The following IL6R variants were observed in gnomAD, a reference collection of about 807,000 sequenced individuals.
IL6R encodes interleukin 6 receptor.
A neutral mutation model predicts 48.3 loss-of-function variants in IL6R; 38 were observed. The ratio of observed to expected loss-of-function variants is 0.79; its 90% CI spans 0.61 to 1.03. The LOEUF (loss-of-function observed/expected upper bound fraction) is 1.03. IL6R is among the 50% of genes least tolerant of loss of function. The pLI, the probability that IL6R is intolerant of heterozygous loss-of-function variation, is 0.00. For synonymous variants in IL6R, 264 were observed against 256.2 expected (o/e 1.03, Z -0.29); for missense variants, 534 against 618.3 (o/e 0.86, Z 1.45).
At position 154,434,642 on chromosome 1, in the gene IL6R, C is replaced by G. The variant is rs750407547; in HGVS notation, c.582C>G (p.Val194=). Residue 194 remains valine, a synonymous_variant, in exon 4 of 10, where the codon GTC becomes GTG. Coordinates refer to ENST00000368485, the MANE Select transcript of IL6R (RefSeq NM_000565.4). ...CTTTCTACATAGTGTCCATGTGCGT[C>G]GCCAGTAGTGTCGGGAGCAAGTTCA... is the stretch of plus-strand genomic sequence containing the variant. ...DSSFYIVSMC[V]ASSVGSKFSK... The G allele has an allele frequency of 3.1e-6, 5 of 1,614,178 alleles. No homozygotes were observed. In the African/African-American group the frequency reaches 5.3e-5, roughly 17 times the overall value.
intron 9 of IL6R, among the ~76,000 whole-genome samples, chr1:154,458,639 G>A (rs977080898): frequency 3.3e-5 from 5 of 152,146 alleles, no homozygotes; most frequent in African/African-American, 4.8e-5. Flanking sequence ...GGTGGCTCAC[G>A]CCTGTGATCC....
chr1:154,430,616 T>A lies in IL6R; in HGVS notation c.458+10T>A. The A allele has an allele frequency of 1.2e-6, 2 of 1,614,124 alleles. No homozygotes were observed. Among genetic ancestry groups the A allele is most frequent in the African/African-American group, 1.3e-5 (1 of 75,042 alleles). On this transcript the variant is annotated intron_variant, in intron 3 of 9. Transcript: ENST00000368485. ...TCTTGGTGAGGAAGTTGTAAGTATCTTGGGCTGAGCTATGTGCATGTTGGC... is the reference window on the plus strand; with the variant it reads ...TCTTGGTGAGGAAGTTGTAAGTATCATGGGCTGAGCTATGTGCATGTTGGC...
intron 6 of IL6R, among the ~76,000 whole-genome samples, chr1:154,439,399 C>T (rs1297063402): frequency 6.6e-6 from 1 of 152,188 alleles, no homozygotes; most frequent in Non-Finnish European, 1.5e-5. Context: ...AATGCAACCT[C>T]TGCCTCCCGG....
rs1284004006 is a variant in IL6R at position 154,414,570 on chromosome 1, G to GATTT, written c.85+8857_85+8860dup. 5.3e-6 allele frequency: 4 copies of GATTT among 748,242 alleles called. No individual in the cohort carries two copies. The African/African-American group carries it at 7.0e-5, about 13-fold the overall frequency. 46.4% of individuals were successfully genotyped at this position (748,242 alleles called of 1,614,324 possible). A position where few individuals can be genotyped will look rare whatever the true frequency, so the allele number is the denominator to read the frequency against. On this transcript the variant is annotated intron_variant, in intron 1 of 9. Transcript: ENST00000368485. ...AGGATCTGGTGGCCTCGGTAAAAGG[G>GATTT]ATTTTCTCATAGGCTTTCTTGATGC... is the stretch of plus-strand genomic sequence containing the variant.
chr1:154,424,908 A>G (rs1359216884), intron 1 of IL6R, among the ~76,000 whole-genome samples: 1 of 152,128 alleles, frequency 6.6e-6, no homozygotes, highest in Non-Finnish European at 1.5e-5. Flanking sequence ...TCCCCGAGTG[A>G]GCAATTCCTG....
At chr1:154,425,111 G>T (rs989026381) in intron 1 of IL6R, among the ~76,000 whole-genome samples, 1 of 152,210 alleles carries the variant, frequency 6.6e-6, no homozygotes, top group African/African-American at 2.4e-5. Flanking sequence ...TAGGTCAGGG[G>T]TTGATCTTTA....
chr1:154,457,764 G>A (rs934787091), intron 9 of IL6R, among the ~76,000 whole-genome samples: 2 of 151,972 alleles, frequency 1.3e-5, no homozygotes, highest in East Asian at 1.9e-4. Context: ...GTGGTTAATC[G>A]CGATGATCTA....
At chr1:154,437,393 G>A (rs886327613) in intron 6 of IL6R, 5 of 354,972 alleles carry the variant, frequency 1.4e-5, no homozygotes, top group Non-Finnish European at 3.0e-5. Context: ...CACTGTGCCC[G>A]GTCGGAAATT....
chr1:154,408,604 C>G (rs1687863762), intron 1 of IL6R, among the ~76,000 whole-genome samples: 1 of 152,106 alleles, frequency 6.6e-6, no homozygotes, highest in South Asian at 2.1e-4. Context: ...GACCCTGACC[C>G]TCATCTCCAG....
chr1:154,460,779 G>A (rs1484699676), intron 9 of IL6R, among the ~76,000 whole-genome samples: 1 of 152,188 alleles, frequency 6.6e-6, no homozygotes, highest in African/African-American at 2.4e-5. Context: ...ACCAAAGGAG[G>A]AGATGGGAGG....
At chr1:154,460,814 C>T (rs750298459) in intron 9 of IL6R, among the ~76,000 whole-genome samples, 16 of 152,224 alleles carry the variant, frequency 1.1e-4, no homozygotes, top group Middle Eastern at 6.8e-3. Flanking sequence ...TCCAGCCGTA[C>T]GGAGCTTAGC....
chr1:154,414,106 C>T (rs1274639708), intron 1 of IL6R, among the ~76,000 whole-genome samples: 3 of 152,174 alleles, frequency 2.0e-5, no homozygotes, highest in Admixed American at 1.3e-4. Flanking sequence ...ATCCTCCCTC[C>T]TTGGCCTCCC....
At chr1:154,459,892 T>A (rs1691144880) in intron 9 of IL6R, among the ~76,000 whole-genome samples, 1 of 152,158 alleles carries the variant, frequency 6.6e-6, no homozygotes, top group Admixed American at 6.5e-5. Context: ...GACTTAAACA[T>A]CATTTCGTTT....
In IL6R at chr1:154,448,161, C is replaced by T; in HGVS notation, c.986C>T (p.Thr329Ile). ...CCTCCAGCTGAGAACGAGGTGTCCACCCCCATGCAGGTGAGCTCCTGTTCT... is the reference window on the plus strand; with the variant it reads ...CCTCCAGCTGAGAACGAGGTGTCCATCCCCATGCAGGTGAGCTCCTGTTCT... ...RSPPAENEVS[T>I]PMQALTTNKD... The change falls in exon 7 of 10, where the codon ACC becomes ATC. Residue 329 changes from threonine (T) to isoleucine (I), a missense_variant. Thr to Ile is a moderately conservative substitution (Grantham distance 89). Transcript: ENST00000368485. 1.2e-6 allele frequency: 2 copies of T among 1,613,386 alleles called. No homozygotes were observed. The highest frequency in any genetic ancestry group is 1.7e-6 in the Non-Finnish European group (2 of 1,179,498).
chr1:154,449,760 T>TTGC, intron 7 of IL6R, 151 bp from the exon 8 acceptor site: 1 of 637,218 alleles, frequency 1.6e-6, no homozygotes, highest in Non-Finnish European at 2.9e-6. Flanking sequence ...ATAATAGTAT[T>TTGC]ATTGATTTTT....
At position 154,434,717 on chromosome 1, in the gene IL6R, C is replaced by T. The variant is rs1237506441; in HGVS notation, c.640+17C>T. On this transcript the variant is annotated intron_variant, in intron 4 of 9. Transcript: ENST00000368485. ...GTGGAATCTGTACGTAAGCTCTAAC[C>T]CCCTCTCCAGCAGTTTCCTTCTCTT... 2 of 1,606,620 alleles carry T rather than the reference C, an allele frequency of 1.2e-6. No individual in the cohort carries two copies. The highest frequency in any genetic ancestry group is 1.1e-5 in the South Asian group (1 of 90,542).
chr1:154,442,834 C>T (rs1033727285), intron 6 of IL6R, among the ~76,000 whole-genome samples: 5 of 151,642 alleles, frequency 3.3e-5, no homozygotes, highest in Admixed American at 3.3e-4. Context: ...TTGCCCAAGC[C>T]GGAGTGCAGT....
intron 9 of IL6R, among the ~76,000 whole-genome samples, chr1:154,455,611 C>T (rs1274152551): frequency 6.6e-6 from 1 of 151,524 alleles, no homozygotes; most frequent in African/African-American, 2.4e-5. Context: ...CGCTACCATG[C>T]CCGGCTAATA....
chr1:154,426,076 G>GACACACACACACACAC lies in IL6R; in HGVS notation c.86-3102_86-3087dup, dbSNP rs34280647. Among the ~76,000 whole-genome samples, 914 of 119,942 alleles carry GACACACACACACACAC rather than the reference G, an allele frequency of 7.6e-3. 21 individuals are homozygous for GACACACACACACACAC. Among genetic ancestry groups the GACACACACACACACAC allele is most frequent in the African/African-American group, 0.027 (871 of 31,798 alleles). 78.7% of individuals were successfully genotyped at this position (119,942 alleles called of 152,430 possible). ...GGCAGCAGACTGAGACCCTGTATCA[G>GACACACACACACACAC]ACACACACACACACACACACACACA... On this transcript the variant is annotated intron_variant, in intron 1 of 9. Coordinates refer to ENST00000368485, the MANE Select transcript of IL6R (RefSeq NM_000565.4).
Sources: gnomAD v4.1 joint callset for allele counts (sites outside exome capture counted in the v4.1 genomes callset) on GRCh38, gnomAD v4.1.1 for gene constraint, MANE v1.5 for transcripts, NCBI Gene and HGNC (gene_info 2026-07-23, HGNC 2026-07-21) for gene names.